SPON1: variants seen among roughly 807,000 people sequenced by gnomAD.
SPON1 encodes the protein spondin-1.
Under a neutral mutation model 111.7 loss-of-function variants are expected in SPON1, and 52 were observed. The observed-to-expected ratio is 0.47, with a 90% confidence interval of 0.37 to 0.59. SPON1 has a LOEUF of 0.59. SPON1 is among the 20% of genes least tolerant of loss of function. SPON1 has a pLI of 0.00. For synonymous variants in SPON1, 410 were observed against 395.8 expected (o/e 1.04, Z -0.43); for missense variants, 957 against 1,068.5 (o/e 0.90, Z 1.46).
At chr11:14,197,529 G>C (rs1176881741) in intron 6 of SPON1, among the ~76,000 whole-genome samples, 1 of 138,934 alleles carries the variant, frequency 7.2e-6, no homozygotes, top group African/African-American at 2.7e-5. Flanking sequence ...ATAAACAAGT[G>C]GGGGCTGCGC....
rs7934298 is a variant in SPON1 at position 13,983,067 on chromosome 11, G to T, written c.345+114G>T. The T allele has an allele frequency of 0.015, 9,807 of 665,488 alleles. 727 individuals carry two copies. The African/African-American group carries it at 0.16, about 11-fold the overall frequency. 41.2% of individuals were successfully genotyped at this position (665,488 alleles called of 1,614,324 possible). A position where few individuals can be genotyped will look rare whatever the true frequency, so the allele number is the denominator to read the frequency against. On this transcript the variant is annotated intron_variant, in intron 2 of 15. Transcript: ENST00000576479. Reference sequence around the variant, plus strand: ...TGCAGTCCCTTGACCGTTGGCCAACGGGGGCAGGTCCATTTGAAAGGGTCA... The same window carrying T: ...TGCAGTCCCTTGACCGTTGGCCAACTGGGGCAGGTCCATTTGAAAGGGTCA...
chr11:14,135,959 G>T lies in SPON1; in HGVS notation c.825+391G>T, dbSNP rs369932143. Among the ~76,000 whole-genome samples, 2 of 152,158 alleles carry T rather than the reference G, an allele frequency of 1.3e-5. No homozygotes were observed. Among genetic ancestry groups the T allele is most frequent in the African/African-American group, 4.8e-5 (2 of 41,428 alleles). ...AAAATAAATGTTTGAGTATTGGCAC[G>T]TGCTTTTTGCAACTATGTCTTGAGG... On this transcript the variant is annotated intron_variant, in intron 6 of 15. Coordinates refer to ENST00000576479, the MANE Select transcript of SPON1 (RefSeq NM_006108.4). This position sits in a 1 kb window ranked among gnomAD's most constrained non-coding sequence, Gnocchi z 4.4.
chr11:14,062,530 TC>T (rs1435317739), intron 3 of SPON1, among the ~76,000 whole-genome samples: 3 of 152,136 alleles, frequency 2.0e-5, no homozygotes, highest in Non-Finnish European at 4.4e-5. Flanking sequence ...TCTGGTCATC[TC>T]TAGGGGAGCT....
At chr11:14,039,951 GT>G (rs1554917111) in intron 2 of SPON1, among the ~76,000 whole-genome samples, 1 of 152,074 alleles carries the variant, frequency 6.6e-6, no homozygotes, top group Non-Finnish European at 1.5e-5. Context: ...ATCAAATGTA[GT>G]AACATTAAAA....
chr11:14,264,984 TA>T (rs1382988677), intron 15 of SPON1, among the ~76,000 whole-genome samples: 2 of 152,212 alleles, frequency 1.3e-5, no homozygotes, highest in African/African-American at 4.8e-5. Context: ...ACAGTCTTTT[TA>T]AACAATCACT....
chr11:13,978,341 A>T (rs1308992622), intron 1 of SPON1, among the ~76,000 whole-genome samples: 1 of 152,202 alleles, frequency 6.6e-6, no homozygotes, highest in African/African-American at 2.4e-5. Flanking sequence ...TTTGAGGATA[A>T]TTGACATCTT....
rs143622203 is a variant in SPON1, at chr11:14,114,245, T to C, written c.677-21175T>C. Among the ~76,000 whole-genome samples the C allele has an allele frequency of 3.2e-4, 49 of 152,328 alleles. 1 individual carries two copies. Among genetic ancestry groups the C allele is most frequent in the African/African-American group, 1.1e-3 (46 of 41,570 alleles). ...GCCTCTGGTAACCATCCTTCAACTCTATGTCTATGAGTTCAAGTGTTTTGA... is the reference window on the plus strand; with the variant it reads ...GCCTCTGGTAACCATCCTTCAACTCCATGTCTATGAGTTCAAGTGTTTTGA... On this transcript the variant is annotated intron_variant, in intron 5 of 15. Coordinates refer to ENST00000576479, the MANE Select transcript of SPON1 (RefSeq NM_006108.4).
intron 2 of SPON1, among the ~76,000 whole-genome samples, chr11:13,990,296 G>A (rs186783114): frequency 7.0e-6 from 1 of 143,246 alleles, no homozygotes; most frequent in Non-Finnish European, 1.5e-5. Context: ...TTACCATTCT[G>A]TAATGCCCTT....
At chr11:14,019,384 T>C (rs1194054706) in intron 2 of SPON1, among the ~76,000 whole-genome samples, 3 of 150,014 alleles carry the variant, frequency 2.0e-5, no homozygotes, top group Non-Finnish European at 4.4e-5. Flanking sequence ...TTTTATAATG[T>C]GTATAATTAT....
At chr11:14,255,062 A>G (rs1032253341) in intron 8 of SPON1, among the ~76,000 whole-genome samples, 1 of 152,224 alleles carries the variant, frequency 6.6e-6, no homozygotes, top group Non-Finnish European at 1.5e-5. Flanking sequence ...TTTCTCTGAT[A>G]TGATCTATTG....
intron 5 of SPON1, among the ~76,000 whole-genome samples, chr11:14,082,060 C>A (rs1274319531): frequency 6.6e-6 from 1 of 152,104 alleles, no homozygotes; most frequent in Non-Finnish European, 1.5e-5. Context: ...TTCCTCCAGC[C>A]TCTCCTATCC....
chr11:13,990,417 T>TTTTTC (rs1848220182), intron 2 of SPON1, among the ~76,000 whole-genome samples: 1 of 139,090 alleles, frequency 7.2e-6, no homozygotes, highest in African/African-American at 2.7e-5. Flanking sequence ...TGCTTTCCAT[T>TTTTTC]TGTTTGGTAA....
At chr11:14,119,515 G>A (rs1554926291) in intron 5 of SPON1, among the ~76,000 whole-genome samples, 1 of 152,166 alleles carries the variant, frequency 6.6e-6, no homozygotes, top group Non-Finnish European at 1.5e-5. Context: ...CTTCAGAGAA[G>A]GCCATGAGTC....
intron 3 of SPON1, 113 bp downstream of exon 3, chr11:14,041,767 C>A (rs1466846593): frequency 1.7e-6 from 2 of 1,204,218 alleles, no homozygotes; most frequent in African/African-American, 1.5e-5. Flanking sequence ...CATCTCTCTG[C>A]CCTCCCTTAT....
chr11:13,998,719 C>G (rs1564882671), intron 2 of SPON1, among the ~76,000 whole-genome samples: 1 of 152,206 alleles, frequency 6.6e-6, no homozygotes, highest in Non-Finnish European at 1.5e-5. Flanking sequence ...GTGATAAGTG[C>G]TTTCCAAATT....
chr11:14,231,441 C>T (rs781783302), intron 6 of SPON1, among the ~76,000 whole-genome samples: 3 of 152,106 alleles, frequency 2.0e-5, no homozygotes, highest in Non-Finnish European at 2.9e-5. Flanking sequence ...CCCCAGCCTC[C>T]ATTTTTTTAA....
Position 14,135,958 on chromosome 11 carries a change from C to A in SPON1, c.825+390C>A, listed in dbSNP as rs904625453. 6.6e-6 allele frequency among the ~76,000 whole-genome samples: 1 copy of A among 152,132 alleles called. No homozygotes were observed. Among genetic ancestry groups the A allele is most frequent in the African/African-American group, 2.4e-5 (1 of 41,416 alleles). ...CAAAATAAATGTTTGAGTATTGGCA[C>A]GTGCTTTTTGCAACTATGTCTTGAG... On this transcript the variant is annotated intron_variant, in intron 6 of 15. Coordinates refer to ENST00000576479, the MANE Select transcript of SPON1 (RefSeq NM_006108.4). The surrounding 1 kb of genome is among the most constrained non-coding windows in gnomAD (Gnocchi z 4.4).
At chr11:14,006,450 G>A (rs1247990938) in intron 2 of SPON1, among the ~76,000 whole-genome samples, 1 of 152,136 alleles carries the variant, frequency 6.6e-6, no homozygotes. Context: ...GGAGATTGTG[G>A]CATGAACTCC....
rs1564917723 is a variant in SPON1 at position 14,156,121 on chromosome 11, G to A, written c.825+20553G>A. Among the ~76,000 whole-genome samples the A allele has an allele frequency of 1.6e-5, 2 of 123,210 alleles. 1 individual carries two copies. The highest frequency in any genetic ancestry group is 3.7e-5 in the Non-Finnish European group (2 of 54,712). The allele number at this position is 123,210 out of a possible 152,430, so 80.8% of individuals were successfully genotyped here. On this transcript the variant is annotated intron_variant, in intron 6 of 15. Transcript: ENST00000576479. ...TTACAGTCCCACCAACAGTGTAAAAGTGTTCCTATTTCTCCACATCCTCTC... is the reference window on the plus strand; with the variant it reads ...TTACAGTCCCACCAACAGTGTAAAAATGTTCCTATTTCTCCACATCCTCTC...
Sources: gnomAD v4.1 joint callset for allele counts (sites outside exome capture counted in the v4.1 genomes callset) on GRCh38, gnomAD v4.1.1 for gene constraint, Gnocchi (gnomAD v3.1) non-coding constraint, MANE v1.5 for transcripts, NCBI Gene and HGNC (gene_info 2026-07-23, HGNC 2026-07-21) for gene names.